The following TMCC1 variants were observed in gnomAD, a reference collection of about 807,000 sequenced individuals.
TMCC1 encodes transmembrane and coiled-coil domain family 1.
A neutral mutation model predicts 52.4 loss-of-function variants in TMCC1; 15 were observed. The observed-to-expected ratio is 0.29, with a 90% CI of 0.19 to 0.44. The LOEUF (loss-of-function observed/expected upper bound fraction) is 0.44, where lower values mean the gene tolerates loss of function less well. Ranked by LOEUF, TMCC1 falls within the 20% of genes least tolerant of loss-of-function variation. TMCC1 has a pLI of 1.00. For synonymous variants in TMCC1, 279 were observed against 301.9 expected, an observed-to-expected ratio of 0.92 and a Z score of 0.79; for missense variants, 503 against 806.0, an observed-to-expected ratio of 0.62 and a Z score of 4.55.
chr3:129,769,382 A>G (rs2107697551), intron 4 of TMCC1, among the ~76,000 whole-genome samples: 1 of 152,150 alleles, frequency 6.6e-6, no homozygotes, highest in Middle Eastern at 3.4e-3. Context: ...GGGGCACGAC[A>G]CCACACCTGG....
At chr3:129,891,733 C>G (rs1451091949) in intron 1 of TMCC1, among the ~76,000 whole-genome samples, 1 of 152,122 alleles carries the variant, frequency 6.6e-6, no homozygotes, top group African/African-American at 2.4e-5. Flanking sequence ...TAGAAAACAT[C>G]CTGGAACAAA....
chr3:129,690,417 T>G (rs1269005502), intron 4 of TMCC1, among the ~76,000 whole-genome samples: 4 of 152,224 alleles, frequency 2.6e-5, no homozygotes, highest in Admixed American at 6.5e-5. Context: ...AGGTACAGTA[T>G]TTAATCTTTT....
chr3:129,695,477 G>T (rs1373759558), intron 4 of TMCC1, among the ~76,000 whole-genome samples: 1 of 152,142 alleles, frequency 6.6e-6, no homozygotes, highest in Non-Finnish European at 1.5e-5. Flanking sequence ...CAGGGCTGGG[G>T]AAGCCTTGGG....
chr3:129,765,548 T>C (rs2054056725), intron 4 of TMCC1, among the ~76,000 whole-genome samples: 1 of 152,162 alleles, frequency 6.6e-6, no homozygotes, highest in Admixed American at 6.5e-5. Context: ...AAATTATGTA[T>C]AAAAGGACTG....
chr3:129,873,204 C>T (rs1161787748), intron 2 of TMCC1, among the ~76,000 whole-genome samples: 1 of 151,946 alleles, frequency 6.6e-6, no homozygotes, highest in Non-Finnish European at 1.5e-5. Flanking sequence ...CCCAGCCTAT[C>T]CTTGGAAATT....
chr3:129,866,272 AAT>A (rs1491472282), intron 2 of TMCC1, among the ~76,000 whole-genome samples: 1 of 139,408 alleles, frequency 7.2e-6, no homozygotes, highest in Non-Finnish European at 1.6e-5. Flanking sequence ...ATACATATAT[AAT>A]ATATATACAT....
intron 4 of TMCC1, among the ~76,000 whole-genome samples, chr3:129,799,305 T>C (rs753017921): frequency 6.6e-6 from 1 of 152,124 alleles, no homozygotes; most frequent in African/African-American, 2.4e-5. Flanking sequence ...CTGCAGTAAA[T>C]GCATGAAAGG....
intron 4 of TMCC1, among the ~76,000 whole-genome samples, chr3:129,712,090 T>C (rs1043487771): frequency 3.4e-5 from 5 of 146,868 alleles, no homozygotes; most frequent in Non-Finnish European, 7.4e-5. Flanking sequence ...GGCAGGAGAA[T>C]CACTTGAACC....
chr3:129,777,082 C>T (rs557691832), intron 4 of TMCC1, among the ~76,000 whole-genome samples: 27 of 152,208 alleles, frequency 1.8e-4, no homozygotes, highest in Admixed American at 5.2e-4. Flanking sequence ...TAAAATAGGC[C>T]AAACACTATC....
intron 5 of TMCC1, among the ~76,000 whole-genome samples, chr3:129,656,330 C>T (rs2086666508): frequency 6.6e-6 from 1 of 152,154 alleles, no homozygotes; most frequent in Non-Finnish European, 1.5e-5. Context: ...GCTCTCATCC[C>T]AACAGGGAAT....
chr3:129,742,094 C>T (rs1440464504), intron 4 of TMCC1, among the ~76,000 whole-genome samples: 3 of 152,136 alleles, frequency 2.0e-5, no homozygotes, highest in Admixed American at 2.0e-4. Flanking sequence ...CGTAAGAAAA[C>T]ATGGATGTAA....
At chr3:129,887,554 A>C (rs1458973834) in intron 1 of TMCC1, among the ~76,000 whole-genome samples, 1 of 151,760 alleles carries the variant, frequency 6.6e-6, no homozygotes, top group African/African-American at 2.4e-5. Flanking sequence ...AAAAAAAAAA[A>C]AAAACAACAA....
At chr3:129,766,585 G>A (rs2054147039) in intron 4 of TMCC1, among the ~76,000 whole-genome samples, 1 of 152,086 alleles carries the variant, frequency 6.6e-6, no homozygotes, top group African/African-American at 2.4e-5. Flanking sequence ...GTATGACAAT[G>A]CTCACTATTT....
chr3:129,772,319 C>T (rs963182091), intron 4 of TMCC1, among the ~76,000 whole-genome samples: 5 of 150,886 alleles, frequency 3.3e-5, no homozygotes, highest in Admixed American at 6.6e-5. Context: ...CCAGTCTGGG[C>T]GATAGAGTGG....
chr3:129,883,888 A>T lies in TMCC1; in HGVS notation c.-434-3329T>A, dbSNP rs77777523. 3.8e-3 allele frequency among the ~76,000 whole-genome samples: 584 copies of T among 151,804 alleles called. 13 individuals carry two copies. Among genetic ancestry groups the T allele is most frequent in the Admixed American group, 0.035 (533 of 15,282 alleles). ...AAAAAATTAAATTAAAAAAAGAAAA[A>T]ATATATTTTTGAAAGAAAAATAAAA... On this transcript the variant is annotated intron_variant, in intron 1 of 6. Coordinates refer to ENST00000393238, the MANE Select transcript of TMCC1 (RefSeq NM_001017395.5).
chr3:129,788,494 GCT>G (rs1487560120), intron 4 of TMCC1, among the ~76,000 whole-genome samples: 2 of 151,262 alleles, frequency 1.3e-5, no homozygotes, highest in African/African-American at 4.9e-5. Flanking sequence ...ACAGAGTGTT[GCT>G]CTGTCGCCCA....
chr3:129,785,583 ACAAAC>A (rs1560415147), intron 4 of TMCC1, among the ~76,000 whole-genome samples: 4 of 149,056 alleles, frequency 2.7e-5, no homozygotes, highest in African/African-American at 1.0e-4. Flanking sequence ...ACACACACAC[ACAAAC>A]ACACACACAC....
At chr3:129,683,235 A>G (rs1282468902) in intron 4 of TMCC1, among the ~76,000 whole-genome samples, 1 of 152,240 alleles carries the variant, frequency 6.6e-6, no homozygotes, top group Non-Finnish European at 1.5e-5. Context: ...TCAGAGTATT[A>G]TTTAAACAGT....
intron 4 of TMCC1, among the ~76,000 whole-genome samples, chr3:129,738,908 A>G (rs1379535904): frequency 1.3e-5 from 2 of 152,006 alleles, no homozygotes; most frequent in African/African-American, 4.8e-5. Context: ...AACCTCCGCC[A>G]CCTGGGTAAG....
Sources: gnomAD v4.1 joint callset for allele counts (sites outside exome capture counted in the v4.1 genomes callset) on GRCh38, gnomAD v4.1.1 for gene constraint, MANE v1.5 for transcripts, NCBI Gene and HGNC (gene_info 2026-07-23, HGNC 2026-07-21) for gene names.